Variants in TENM3 observed in about 807,000 individuals in gnomAD.
TENM3 encodes the protein teneurin transmembrane protein 3.
A neutral mutation model predicts 255.1 loss-of-function variants in TENM3; 63 were observed. The ratio of observed to expected loss-of-function variants is 0.25; its 90% CI spans 0.20 to 0.30. The LOEUF (loss-of-function observed/expected upper bound fraction) is 0.30, where lower values mean the gene tolerates loss of function less well. TENM3 is among the 10% of genes least tolerant of loss of function. TENM3 has a pLI of 1.00. For missense variants in TENM3, 2,929 were observed against 3,461.1 expected (o/e 0.85, Z 3.86); for synonymous variants, 1,306 against 1,322.3 (o/e 0.99, Z 0.27).
chr4:182,197,289 A>G (rs1198906156), intron 1 of TENM3, among the ~76,000 whole-genome samples: 1 of 152,174 alleles, frequency 6.6e-6, no homozygotes, highest in Non-Finnish European at 1.5e-5. Flanking sequence ...TACCCTTGCT[A>G]TTTAGTATCT....
At chr4:182,434,052 C>T (rs769019795) in intron 3 of TENM3, among the ~76,000 whole-genome samples, 10 of 151,130 alleles carry the variant, frequency 6.6e-5, no homozygotes, top group Non-Finnish European at 1.2e-4. Flanking sequence ...AGTTTGAGGT[C>T]GCAGTGAGCT....
upstream of TENM3, among the ~76,000 whole-genome samples, chr4:182,239,861 G>A (rs2150058122): frequency 6.6e-6 from 1 of 152,308 alleles, no homozygotes; most frequent in South Asian, 2.1e-4. Context: ...AAATTGATTA[G>A]TAGTTTGCTA....
At chr4:182,331,191 AT>A (rs1763730568) in intron 2 of TENM3, among the ~76,000 whole-genome samples, 1 of 152,200 alleles carries the variant, frequency 6.6e-6, no homozygotes, top group Admixed American at 6.5e-5. Flanking sequence ...ATCATGAATA[AT>A]CAAAAAACAA....
At chr4:181,769,785 G>C in the TENM3 span, among the ~76,000 whole-genome samples, 1 of 152,098 alleles carries the variant, frequency 6.6e-6, no homozygotes, top group Non-Finnish European at 1.5e-5. Flanking sequence ...GCCATAATAT[G>C]TAGGAGGAAT....
chr4:181,453,746 C>T, the TENM3 span, among the ~76,000 whole-genome samples: 1 of 152,252 alleles, frequency 6.6e-6, no homozygotes, highest in Admixed American at 6.5e-5. Context: ...AAAGTCTTCA[C>T]TCCAACCAAT....
At chr4:182,220,284 G>A (rs747615794) in intron 1 of TENM3, among the ~76,000 whole-genome samples, 23 of 147,674 alleles carry the variant, frequency 1.6e-4, no homozygotes, top group Admixed American at 1.1e-3. Context: ...GGCTGAGGCA[G>A]GAGAATCGCT....
In TENM3 at chr4:182,754,876, T is replaced by C. The variant is rs1330818764; in HGVS notation, c.4509T>C (p.Pro1503=). The change falls in exon 22 of 28, where the codon CCT becomes CCC. Residue 1503 remains proline, a synonymous_variant. Coordinates refer to ENST00000511685, the MANE Select transcript of TENM3 (RefSeq NM_001080477.4). The surrounding 1 kb of genome is among the most constrained non-coding windows in gnomAD (Gnocchi z 5.1). The part of the protein sequence containing the change: ...IRIRAVSKNK[P]LLNSMNFYEV... Reference sequence around the variant, plus strand: ...TCCGGGCTGTGTCAAAGAATAAGCCTTTACTTAACTCTATGAACTTCTATG... The same window carrying C: ...TCCGGGCTGTGTCAAAGAATAAGCCCTTACTTAACTCTATGAACTTCTATG... 6.2e-7 allele frequency: 1 copy of C among 1,614,056 alleles called. No homozygotes were observed. Among genetic ancestry groups the C allele is most frequent in the Non-Finnish European group, 8.5e-7 (1 of 1,179,902 alleles).
At chr4:182,232,053 G>A (rs992907169) in intron 1 of TENM3, among the ~76,000 whole-genome samples, 9 of 152,220 alleles carry the variant, frequency 5.9e-5, no homozygotes, top group Admixed American at 4.6e-4. Context: ...CAGGAGTCCC[G>A]TTCCCCATAC....
chr4:181,758,216 T>G, the TENM3 span, among the ~76,000 whole-genome samples: 1 of 152,152 alleles, frequency 6.6e-6, no homozygotes, highest in East Asian at 1.9e-4. Flanking sequence ...TACCTCCCAA[T>G]GAGCTCCTTT....
At chr4:181,798,436 G>A in the TENM3 span, among the ~76,000 whole-genome samples, 2 of 152,044 alleles carry the variant, frequency 1.3e-5, no homozygotes, top group Non-Finnish European at 2.9e-5. Context: ...AGACTCCCTA[G>A]TGGCTGGGAG....
At chr4:182,282,770 G>A (rs565417527) in intron 1 of TENM3, among the ~76,000 whole-genome samples, 1 of 151,964 alleles carries the variant, frequency 6.6e-6, no homozygotes, top group South Asian at 2.1e-4. Flanking sequence ...GCACGCGCCT[G>A]TAATCCCAGC....
intron 4 of TENM3, among the ~76,000 whole-genome samples, chr4:182,611,476 A>G (rs1008707523): frequency 3.3e-5 from 5 of 152,026 alleles, no homozygotes; most frequent in African/African-American, 1.2e-4. Flanking sequence ...TAACATTTAT[A>G]TAAACATTTG....
chr4:182,545,248 C>T (rs904110784), intron 3 of TENM3, among the ~76,000 whole-genome samples: 2 of 152,040 alleles, frequency 1.3e-5, no homozygotes, highest in African/African-American at 2.4e-5. Context: ...TGTCTGTTTG[C>T]GTGGAAAGAC....
At chr4:181,684,048 G>A in the TENM3 span, among the ~76,000 whole-genome samples, 1 of 152,206 alleles carries the variant, frequency 6.6e-6, no homozygotes, top group Non-Finnish European at 1.5e-5. Context: ...GAGAAGGACG[G>A]CTCTGGGATC....
At chr4:182,473,029 C>CA (rs1252725861) in intron 3 of TENM3, among the ~76,000 whole-genome samples, 1 of 152,182 alleles carries the variant, frequency 6.6e-6, no homozygotes, top group Non-Finnish European at 1.5e-5. Flanking sequence ...ATCGGATGCT[C>CA]ACCATCAGGT....
the TENM3 span, among the ~76,000 whole-genome samples, chr4:181,519,301 G>A: frequency 2.6e-5 from 4 of 152,116 alleles, no homozygotes; most frequent in South Asian, 2.1e-4. Context: ...TGGGAGCTGC[G>A]GGATGTAACT....
chr4:181,854,027 G>T, the TENM3 span, among the ~76,000 whole-genome samples: 6 of 152,198 alleles, frequency 3.9e-5, no homozygotes, highest in Admixed American at 3.9e-4. Flanking sequence ...AACACAACCA[G>T]TTGGTTCTTA....
At chr4:181,942,544 A>G in the TENM3 span, among the ~76,000 whole-genome samples, 1 of 152,282 alleles carries the variant, frequency 6.6e-6, no homozygotes, top group African/African-American at 2.4e-5. Flanking sequence ...GTGGATGTGT[A>G]TCAGCCAAAT....
At chr4:182,697,551 G>T (rs1027351304) in intron 12 of TENM3, among the ~76,000 whole-genome samples, 1 of 152,092 alleles carries the variant, frequency 6.6e-6, no homozygotes, top group Non-Finnish European at 1.5e-5. Flanking sequence ...ATGGACAGAG[G>T]GGATAGAGAT....
Sources: gnomAD v4.1 joint callset for allele counts (sites outside exome capture counted in the v4.1 genomes callset) on GRCh38, gnomAD v4.1.1 for gene constraint, Gnocchi (gnomAD v3.1) non-coding constraint, MANE v1.5 for transcripts, NCBI Gene and HGNC (gene_info 2026-07-23, HGNC 2026-07-21) for gene names.